MCMDC2: variants seen among roughly 807,000 people sequenced by gnomAD.
MCMDC2 encodes minichromosome maintenance domain-containing protein 2.
In MCMDC2, 54 loss-of-function variants were observed where a neutral mutation model predicts 75.8. The ratio of observed to expected loss-of-function variants is 0.71; its 90% CI spans 0.57 to 0.89. The LOEUF (loss-of-function observed/expected upper bound fraction) is 0.89. Ranked by LOEUF, MCMDC2 falls within the 40% of genes least tolerant of loss-of-function variation. MCMDC2 has a pLI of 0.00. For missense variants in MCMDC2, 656 were observed against 780.4 expected (o/e 0.84, Z 1.90); for synonymous variants, 249 against 274.6 (o/e 0.91, Z 0.92).
rs781559154 is a variant in MCMDC2 at position 66,874,571 on chromosome 8, G to T, written c.270G>T (p.Leu90Phe). ...AVKTLSLIGQ[L>F]QTETQINIVL... ...AGACTCTCTCATTAATTGGACAATT[G>T]CAGACTGAAACGCAAGTAAGTTTTA... The change falls in exon 4 of 15, where the codon TTG (leucine) becomes TTT (phenylalanine). Residue 90 changes from leucine to phenylalanine, a missense_variant. Physicochemically the swap from Leu to Phe is conservative, Grantham distance 22 (BLOSUM62 0). Transcript: ENST00000422365. The T allele has an allele frequency of 9.3e-6, 15 of 1,612,678 alleles. No homozygotes were observed. The African/African-American group carries it at 1.9e-4, about 20-fold the overall frequency.
rs58353399 is a variant in MCMDC2 at position 66,884,253 on chromosome 8, CT to C, written c.1073+260del. 7.1e-3 allele frequency: 3,715 copies of C among 519,716 alleles called. 116 individuals carry two copies. The highest frequency in any genetic ancestry group is 0.062 in the African/African-American group (3,235 of 51,952). 32.2% of individuals were successfully genotyped at this position (519,716 alleles called of 1,614,324 possible). A position where few individuals can be genotyped will look rare whatever the true frequency, so the allele number is the denominator to read the frequency against. On this transcript the variant is annotated intron_variant, in intron 9 of 14. Coordinates refer to ENST00000422365, the MANE Select transcript of MCMDC2 (RefSeq NM_173518.5). Reference sequence around the variant, plus strand: ...CATCCTTCCCAGCCTTCCTTTCCCCCTATTCCCTAGCTCTGTATTCTCTTTC... The same window carrying C: ...CATCCTTCCCAGCCTTCCTTTCCCCCATTCCCTAGCTCTGTATTCTCTTTC...
intron 14 of MCMDC2, among the ~76,000 whole-genome samples, chr8:66,913,270 C>T (rs1391710809): frequency 6.6e-6 from 1 of 152,152 alleles, no homozygotes; most frequent in Non-Finnish European, 1.5e-5. Context: ...ACTTAGACTA[C>T]AATATAGGGT....
intron 7 of MCMDC2, among the ~76,000 whole-genome samples, chr8:66,880,327 G>A (rs1811499168): frequency 6.6e-6 from 1 of 152,196 alleles, no homozygotes; most frequent in Non-Finnish European, 1.5e-5. Flanking sequence ...ACTAGAATTT[G>A]AGGTTACAGT....
chr8:66,889,500 GA>G (rs1290055922), intron 9 of MCMDC2, among the ~76,000 whole-genome samples: 7 of 151,536 alleles, frequency 4.6e-5, no homozygotes, highest in Non-Finnish European at 8.8e-5. Context: ...TCTCTTAAGA[GA>G]AAAAAAAATT....
At chr8:66,900,143 A>G (rs1812584067) in intron 12 of MCMDC2, among the ~76,000 whole-genome samples, 2 of 151,202 alleles carry the variant, frequency 1.3e-5, no homozygotes, top group African/African-American at 2.4e-5. Context: ...TCAAAAATAA[A>G]TAAATAAAAT....
At chr8:66,902,751 T>C (rs1292914518) in intron 13 of MCMDC2, among the ~76,000 whole-genome samples, 2 of 143,902 alleles carry the variant, frequency 1.4e-5, no homozygotes, top group African/African-American at 5.1e-5. Context: ...TACATATATC[T>C]TTTCATATGT....
chr8:66,902,526 C>CA (rs1812711076), intron 13 of MCMDC2, among the ~76,000 whole-genome samples: 1 of 149,056 alleles, frequency 6.7e-6, no homozygotes. Flanking sequence ...CTGTCTTTAC[C>CA]AAAAAAATAC....
At chr8:66,874,639 T>C (rs1811190060) in intron 4 of MCMDC2, 53 bp downstream of exon 4, 16 of 1,435,136 alleles carry the variant, frequency 1.1e-5, no homozygotes, top group Non-Finnish European at 1.2e-5. Context: ...CATGATGACT[T>C]GTAAAAAAAT....
downstream of MCMDC2, among the ~76,000 whole-genome samples, chr8:66,924,966 C>T (rs766740221): frequency 1.3e-5 from 2 of 152,170 alleles, no homozygotes; most frequent in South Asian, 4.1e-4. Flanking sequence ...TAAGGGTCGT[C>T]CTGACACCTA....
chr8:66,874,578 G>A lies in MCMDC2; in HGVS notation c.277G>A (p.Glu93Lys), dbSNP rs777348526. 2 of 1,612,224 alleles carry A rather than the reference G, an allele frequency of 1.2e-6. No individual in the cohort carries two copies. Among genetic ancestry groups the A allele is most frequent in the East Asian group, 4.5e-5 (2 of 44,782 alleles). The change falls in exon 4 of 15, where the codon GAA (glutamate) becomes AAA (lysine). Residue 93 changes from glutamate (E) to lysine (K), a missense_variant. Physicochemically the swap from Glu to Lys is moderately conservative, Grantham distance 56. Coordinates refer to ENST00000422365, the MANE Select transcript of MCMDC2 (RefSeq NM_173518.5). Reference sequence around the variant, plus strand: ...CTCATTAATTGGACAATTGCAGACTGAAACGCAAGTAAGTTTTAGTTACAT... The same window carrying A: ...CTCATTAATTGGACAATTGCAGACTAAAACGCAAGTAAGTTTTAGTTACAT... ...TLSLIGQLQT[E>K]TQINIVLKLT...
Position 66,921,355 on chromosome 8 carries a change from C to G in MCMDC2, c.*2186C>G, listed in dbSNP as rs1281822726. On this transcript the variant is annotated 3_prime_UTR_variant, in exon 15 of 15. Coordinates refer to ENST00000422365, the MANE Select transcript of MCMDC2 (RefSeq NM_173518.5). ...CAAACTACTTCATATACCTATGCAA[C>G]AGAACTGCACTTATACCCCCCAAAT... 2 of 152,164 alleles carry G rather than the reference C, an allele frequency of 1.3e-5. No individual in the cohort carries two copies. Among genetic ancestry groups the G allele is most frequent in the Non-Finnish European group, 2.9e-5 (2 of 68,042 alleles). The allele number at this position is 152,164 out of a possible 1,614,324, so 9.4% of individuals were successfully genotyped here.
chr8:66,877,461 T>C lies in MCMDC2; in HGVS notation c.398T>C (p.Ile133Thr), dbSNP rs759590404. The change falls in exon 5 of 15, where the codon ATT becomes ACT. Residue 133 changes from isoleucine to threonine, a missense_variant. Ile to Thr is a moderately conservative substitution (Grantham distance 89). Coordinates refer to ENST00000422365, the MANE Select transcript of MCMDC2 (RefSeq NM_173518.5). ...CAGAGATTTTATATGATGCAAGGAA[T>C]TGTGATTGCAATGACAACTATAACC... is the stretch of plus-strand genomic sequence containing the variant. ...TSQRFYMMQGIVIAMTTITKY... is the reference protein window; with the variant it reads ...TSQRFYMMQGTVIAMTTITKY... 7.8e-5 allele frequency: 126 copies of C among 1,613,166 alleles called. No individual in the cohort carries two copies. The highest frequency in any genetic ancestry group is 1.0e-4 in the Non-Finnish European group (118 of 1,179,622).
intron 12 of MCMDC2, among the ~76,000 whole-genome samples, chr8:66,897,506 A>T (rs2130838430): frequency 6.6e-6 from 1 of 152,304 alleles, no homozygotes; most frequent in East Asian, 1.9e-4. Context: ...GAATATTAAA[A>T]TTTTCAGTTT....
intron 14 of MCMDC2, among the ~76,000 whole-genome samples, chr8:66,905,924 G>T (rs1163607446): frequency 1.3e-5 from 2 of 151,406 alleles, no homozygotes; most frequent in Non-Finnish European, 1.5e-5. Flanking sequence ...AGAATCGTTT[G>T]AAACTGGGAG....
intron 12 of MCMDC2, among the ~76,000 whole-genome samples, chr8:66,899,602 TC>T (rs1340170235): frequency 6.6e-6 from 1 of 151,986 alleles, no homozygotes; most frequent in African/African-American, 2.4e-5. Context: ...TTCAAGTGAT[TC>T]TCCTGCCTCA....
At chr8:66,909,906 G>A (rs1813037146) in intron 14 of MCMDC2, among the ~76,000 whole-genome samples, 1 of 152,188 alleles carries the variant, frequency 6.6e-6, no homozygotes, top group African/African-American at 2.4e-5. Flanking sequence ...AGAGGCCTAG[G>A]AGGAAAAATG....
Position 66,919,247 on chromosome 8 carries a change from T to C in MCMDC2, c.*78T>C. On this transcript the variant is annotated 3_prime_UTR_variant, in exon 15 of 15. Coordinates refer to ENST00000422365, the MANE Select transcript of MCMDC2 (RefSeq NM_173518.5). ...GACTATTTTGAGAGTGACTTTGAAG[T>C]AATGCTTTGATAATACTCTGTACAG... The C allele has an allele frequency of 8.8e-7, 1 of 1,142,750 alleles. No homozygotes were observed. The highest frequency in any genetic ancestry group is 1.2e-6 in the Non-Finnish European group (1 of 812,056). 70.8% of individuals were successfully genotyped at this position (1,142,750 alleles called of 1,614,324 possible). A position where few individuals can be genotyped will look rare whatever the true frequency, so the allele number is the denominator to read the frequency against.
chr8:66,881,018 T>G, intron 8 of MCMDC2, 44 bp downstream of exon 8: 1 of 1,344,130 alleles, frequency 7.4e-7, no homozygotes. Flanking sequence ...TATTTAAATT[T>G]AAATCTATTT....
At chr8:66,891,141 AG>A in intron 10 of MCMDC2, 71 bp downstream of exon 10, 2 of 1,271,078 alleles carry the variant, frequency 1.6e-6, no homozygotes, top group Non-Finnish European at 2.2e-6. Flanking sequence ...GATACTTAAC[AG>A]TTAAGATAGT....
Sources: allele counts gnomAD v4.1 joint callset (sites outside exome capture counted in the v4.1 genomes callset), GRCh38; gene constraint gnomAD v4.1.1; transcripts MANE v1.5; gene names NCBI Gene and HGNC (gene_info 2026-07-23, HGNC 2026-07-21).